CHRNA7: variants seen among roughly 807,000 people sequenced by gnomAD.
CHRNA7 encodes neuronal acetylcholine receptor subunit alpha-7.
Under a neutral mutation model 48.0 loss-of-function variants are expected in CHRNA7, and 17 were observed. The ratio of observed to expected loss-of-function variants is 0.35; its 90% CI spans 0.24 to 0.53. The LOEUF (loss-of-function observed/expected upper bound fraction) is 0.53, where lower values mean the gene tolerates loss of function less well. Among genes scored for constraint, CHRNA7 ranks in the 20% least tolerant of loss-of-function variants. The pLI is 0.92. For missense variants in CHRNA7, 155 were observed against 577.7 expected (o/e 0.27, Z 7.50); for synonymous variants, 75 against 242.3 (o/e 0.31, Z 6.41).
chr15:32,073,649 G>T (rs180674522), intron 2 of CHRNA7, among the ~76,000 whole-genome samples: 1 of 152,250 alleles, frequency 6.6e-6, no homozygotes, highest in Middle Eastern at 3.4e-3. Context: ...TGTTTGGGTC[G>T]TGGGGATGGA....
intron 2 of CHRNA7, among the ~76,000 whole-genome samples, chr15:32,052,892 A>G (rs779363561): frequency 2.0e-5 from 3 of 152,298 alleles, no homozygotes; most frequent in South Asian, 2.1e-4. Flanking sequence ...AATTTTCCCA[A>G]CATAAAAGAT....
chr15:32,096,005 T>A (rs2050462751), intron 2 of CHRNA7, among the ~76,000 whole-genome samples: 1 of 152,242 alleles, frequency 6.6e-6, no homozygotes, highest in Non-Finnish European at 1.5e-5. Context: ...TTGATATATT[T>A]ATGCATTCCT....
At position 32,047,862 on chromosome 15, in the gene CHRNA7, TGA is replaced by T. The variant is rs756989389; in HGVS notation, c.195+16829_195+16830del. ...TACATCCCATCAATACCTAATTTAT[TGA>T]GAGTTTTTAGCATGAAGGGTTGTTG... On this transcript the variant is annotated intron_variant, in intron 2 of 9. Coordinates refer to ENST00000306901, the MANE Select transcript of CHRNA7 (RefSeq NM_000746.6). Among the ~76,000 whole-genome samples, 5 of 152,176 alleles carry T rather than the reference TGA, an allele frequency of 3.3e-5. No individual in the cohort carries two copies. In the South Asian group the frequency reaches 6.2e-4, roughly 19 times the overall value.
intron 2 of CHRNA7, among the ~76,000 whole-genome samples, chr15:32,045,197 T>G (rs2049519243): frequency 6.6e-6 from 1 of 152,200 alleles, no homozygotes; most frequent in Non-Finnish European, 1.5e-5. Context: ...CTTAAGACAC[T>G]TTGTGCCTCT....
intron 2 of CHRNA7, among the ~76,000 whole-genome samples, chr15:32,075,755 T>C (rs2050127318): frequency 6.6e-6 from 1 of 151,892 alleles, no homozygotes; most frequent in South Asian, 2.1e-4. Context: ...AATTTTTTTT[T>C]CTCTTTTTGT....
At chr15:32,142,486 G>A (rs948698425) in intron 4 of CHRNA7, among the ~76,000 whole-genome samples, 4 of 152,164 alleles carry the variant, frequency 2.6e-5, no homozygotes, top group African/African-American at 4.8e-5. Flanking sequence ...AATAGTTTCC[G>A]AAGAAATGGT....
chr15:32,057,460 A>T (rs540822219), intron 2 of CHRNA7, among the ~76,000 whole-genome samples: 2 of 152,212 alleles, frequency 1.3e-5, no homozygotes, highest in Admixed American at 1.3e-4. Context: ...GATAGGCTGT[A>T]ATTAGGTAAT....
chr15:32,119,790 A>T (rs1386766197), intron 4 of CHRNA7, among the ~76,000 whole-genome samples: 2 of 152,106 alleles, frequency 1.3e-5, no homozygotes, highest in African/African-American at 4.8e-5. Flanking sequence ...TTCTTCTGAC[A>T]TCTCAGCAAG....
intron 4 of CHRNA7, among the ~76,000 whole-genome samples, chr15:32,151,613 G>A (rs796636829): frequency 1.8e-4 from 28 of 152,004 alleles, no homozygotes; most frequent in Non-Finnish European, 2.2e-4. Context: ...TCTGTGTTAC[G>A]TTTGATCTCT....
intron 2 of CHRNA7, among the ~76,000 whole-genome samples, chr15:32,069,165 A>T (rs2050014383): frequency 6.6e-6 from 1 of 152,248 alleles, no homozygotes; most frequent in African/African-American, 2.4e-5. Flanking sequence ...ACTCCACAGA[A>T]AATGAAAAGA....
intron 2 of CHRNA7, among the ~76,000 whole-genome samples, chr15:32,058,146 T>C (rs997114875): frequency 1.3e-5 from 2 of 152,174 alleles, no homozygotes; most frequent in African/African-American, 4.8e-5. Flanking sequence ...TTGACTATCA[T>C]GCTGTTGAAG....
In CHRNA7 at chr15:32,126,489, A is replaced by G. The variant is rs559184102; in HGVS notation, c.350+14590A>G. ...CAAAGAAAGAAGCCTTCGTATTTCAAAAGAACAAGATGGGTAGCCACGACA... is the reference window on the plus strand; with the variant it reads ...CAAAGAAAGAAGCCTTCGTATTTCAGAAGAACAAGATGGGTAGCCACGACA... On this transcript the variant is annotated intron_variant, in intron 4 of 9. Coordinates refer to ENST00000306901, the MANE Select transcript of CHRNA7 (RefSeq NM_000746.6). Among the ~76,000 whole-genome samples the G allele has an allele frequency of 5.2e-4, 79 of 152,316 alleles. 2 individuals are homozygous for G. The highest frequency in any genetic ancestry group is 2.1e-3 in the East Asian group (11 of 5,186).
At chr15:32,051,338 C>G (rs1026497733) in intron 2 of CHRNA7, among the ~76,000 whole-genome samples, 2 of 152,150 alleles carry the variant, frequency 1.3e-5, no homozygotes, top group East Asian at 1.9e-4. Context: ...TTTACCTAAG[C>G]GAGCCTAGGC....
chr15:32,100,616 A>G (rs1295556199), intron 2 of CHRNA7: 2 of 154,560 alleles, frequency 1.3e-5, no homozygotes, highest in African/African-American at 2.4e-5. Flanking sequence ...AATGTAGGAA[A>G]ATAAGCTCTG....
chr15:32,091,348 T>C (rs943297905), intron 2 of CHRNA7, among the ~76,000 whole-genome samples: 3 of 152,150 alleles, frequency 2.0e-5, no homozygotes, highest in African/African-American at 4.8e-5. Context: ...TTATTATTAT[T>C]TTCTTTCTTT....
chr15:32,039,574 T>C (rs1012400641), intron 2 of CHRNA7, among the ~76,000 whole-genome samples: 14 of 152,190 alleles, frequency 9.2e-5, no homozygotes, highest in Non-Finnish European at 2.9e-5. Context: ...TTTTCAGTAA[T>C]CTTTCTGTTA....
At chr15:32,067,060 G>A (rs558393742) in intron 2 of CHRNA7, among the ~76,000 whole-genome samples, 33 of 152,186 alleles carry the variant, frequency 2.2e-4, no homozygotes, top group African/African-American at 7.0e-4. Context: ...AGCAACATAC[G>A]CAAAAGAGTT....
At chr15:32,033,104 G>A (rs113133849) in intron 2 of CHRNA7, among the ~76,000 whole-genome samples, 222 of 152,258 alleles carry the variant, frequency 1.5e-3, no homozygotes, top group African/African-American at 5.1e-3. Context: ...GGAAGGGGGC[G>A]GGAGAAAGTT....
intron 4 of CHRNA7, among the ~76,000 whole-genome samples, chr15:32,115,581 A>G (rs1374881015): frequency 1.3e-5 from 2 of 151,928 alleles, no homozygotes; most frequent in African/African-American, 4.8e-5. Flanking sequence ...GAGTGTTTAT[A>G]TGAGCGTCTT....
Sources: gnomAD v4.1 joint callset for allele counts (sites outside exome capture counted in the v4.1 genomes callset) on GRCh38, gnomAD v4.1.1 for gene constraint, MANE v1.5 for transcripts, NCBI Gene and HGNC (gene_info 2026-07-23, HGNC 2026-07-21) for gene names.